Variants in FAM227A observed in about 807,000 individuals in gnomAD.
FAM227A encodes family with sequence similarity 227 member A.
Under a neutral mutation model 74.7 loss-of-function variants are expected in FAM227A, and 80 were observed. That is an observed-to-expected ratio of 1.07 (90% CI 0.89 to 1.29). FAM227A has a LOEUF of 1.29. Ranked by LOEUF, FAM227A falls within the 50% of genes most tolerant of loss-of-function variation. The pLI is 0.00. For synonymous variants in FAM227A, 237 were observed against 241.8 expected, an observed-to-expected ratio of 0.98 and a Z score of 0.19; for missense variants, 654 against 683.4, an observed-to-expected ratio of 0.96 and a Z score of 0.48.
intron 2 of FAM227A, among the ~76,000 whole-genome samples, chr22:38,646,034 C>T (rs1467686675): frequency 6.6e-6 from 1 of 152,120 alleles, no homozygotes; most frequent in Non-Finnish European, 1.5e-5. Context: ...ATCCACTCAC[C>T]TCAGCCTCCC....
intron 3 of FAM227A, among the ~76,000 whole-genome samples, chr22:38,643,708 C>T (rs1258313201): frequency 2.0e-5 from 3 of 152,194 alleles, no homozygotes; most frequent in Non-Finnish European, 4.4e-5. Flanking sequence ...TGGATGCTTA[C>T]AGCAGTTTTA....
chr22:38,591,435 C>T lies in FAM227A; in HGVS notation c.1638G>A (p.Lys546=), dbSNP rs187127986. The T allele has an allele frequency of 4.4e-5, 68 of 1,551,116 alleles. No homozygotes were observed. In the East Asian group the frequency reaches 1.0e-3, roughly 23 times the overall value. ...ACTCAATTTCTCTTTGGAGACTTCC[C>T]TTAGTTTTCTTGTCAGGTGATTCCT... The part of the protein sequence containing the change: ...VNEESPDKKT[K]EGKGGEGKRR... The change falls in exon 16 of 17, where the codon AAG becomes AAA. Residue 546 remains lysine, a splice_region_variant and synonymous_variant. Transcript: ENST00000535113.
intron 11 of FAM227A, among the ~76,000 whole-genome samples, chr22:38,619,645 C>T (rs1056664780): frequency 1.3e-5 from 2 of 151,890 alleles, no homozygotes; most frequent in Admixed American, 1.3e-4. Flanking sequence ...TTTTTAGGGT[C>T]GGGGGATAGG....
Position 38,590,118 on chromosome 22 carries a change from A to AAAACAAAAC in FAM227A, c.1638+1316_1638+1317insGTTTTGTTT. ...CAAAACAAAACAAAACAAAACAAAA[A>AAAACAAAAC]AACGAAAAAAATTAGCTGGGCATGG... is the stretch of plus-strand genomic sequence containing the variant. On this transcript the variant is annotated intron_variant, in intron 16 of 16. Coordinates refer to ENST00000535113, the MANE Select transcript of FAM227A (RefSeq NM_001013647.2). Among the ~76,000 whole-genome samples, 4 of 119,608 alleles carry AAAACAAAAC rather than the reference A, an allele frequency of 3.3e-5. No homozygotes were observed. The Middle Eastern group carries it at 0.016, about 467-fold the overall frequency. 78.5% of individuals were successfully genotyped at this position (119,608 alleles called of 152,430 possible). A position where few individuals can be genotyped will look rare whatever the true frequency, so the allele number is the denominator to read the frequency against.
At chr22:38,589,030 G>T (rs534383944) in intron 16 of FAM227A, among the ~76,000 whole-genome samples, 2 of 152,180 alleles carry the variant, frequency 1.3e-5, no homozygotes, top group South Asian at 4.2e-4. Context: ...CCCAGTACCC[G>T]TGAATAAGAC....
intron 11 of FAM227A, among the ~76,000 whole-genome samples, chr22:38,613,116 T>TATATAATTATATATATA (rs1555959758): frequency 1.2e-3 from 105 of 91,112 alleles, no homozygotes; most frequent in African/African-American, 4.5e-3. Context: ...TATATATATA[T>TATATAATTATATATATA]TATATATAAT....
intron 11 of FAM227A, among the ~76,000 whole-genome samples, chr22:38,619,373 C>A (rs755759854): frequency 6.6e-6 from 1 of 152,068 alleles, no homozygotes. Context: ...ACCCAGGCTG[C>A]AGTGCAGTGG....
In FAM227A at chr22:38,622,280, G is replaced by A. The variant is rs551865143; in HGVS notation, c.958+892C>T. On this transcript the variant is annotated intron_variant, in intron 10 of 16. Transcript: ENST00000535113. ...CAGAGAGCTGCAACAGTCAAGGTGA[G>A]CTGCTTTGTTCTACCACCAGCTCAT... 9.8e-5 allele frequency among the ~76,000 whole-genome samples: 15 copies of A among 152,350 alleles called. 1 individual carries two copies. The South Asian group carries it at 2.9e-3, about 29-fold the overall frequency.
intron 2 of FAM227A, among the ~76,000 whole-genome samples, chr22:38,646,244 A>ATTT (rs1569240881): frequency 2.2e-5 from 2 of 89,694 alleles, no homozygotes; most frequent in African/African-American, 9.0e-5. Flanking sequence ...TCCTTCCAGT[A>ATTT]TTTCTTTTTT....
Position 38,583,170 on chromosome 22 carries a change from A to AATT in FAM227A, c.*2954_*2955insAAT. 1 of 357,924 alleles carries AATT rather than the reference A, an allele frequency of 2.8e-6. No homozygotes were observed. The highest frequency in any genetic ancestry group is 4.8e-6 in the Non-Finnish European group (1 of 209,180). The allele number at this position is 357,924 out of a possible 1,614,324, so 22.2% of individuals were successfully genotyped here. On this transcript the variant is annotated 3_prime_UTR_variant, in exon 17 of 17. Transcript: ENST00000535113. The stretch of plus-strand genomic sequence containing the variant: ...ACACGTTCTGGTTTCAGAAGACTAT[A>AATT]CTTTTTTTTTTTTTTTTTTGAGATG...
At chr22:38,638,173 A>G (rs1192118150) in intron 5 of FAM227A, among the ~76,000 whole-genome samples, 2 of 152,194 alleles carry the variant, frequency 1.3e-5, no homozygotes, top group African/African-American at 4.8e-5. Context: ...TCAAAAAGAA[A>G]AAAAGAAATA....
rs1316801808 is a variant in FAM227A, at chr22:38,585,566, C to CA, written c.*558dup. 1 of 152,744 alleles carries CA rather than the reference C, an allele frequency of 6.5e-6. No homozygotes were observed. The highest frequency in any genetic ancestry group is 2.4e-5 in the African/African-American group (1 of 41,450). 9.5% of individuals were successfully genotyped at this position (152,744 alleles called of 1,614,324 possible). On this transcript the variant is annotated 3_prime_UTR_variant, in exon 17 of 17. Transcript: ENST00000535113. ...ATTAATAGTTCCACAAAGCTTGTTA[C>CA]AAAAAATTGCACTCCTCTAGGCCCA... is the stretch of plus-strand genomic sequence containing the variant.
intron 1 of FAM227A, among the ~76,000 whole-genome samples, chr22:38,653,386 T>TC (rs2092348774): frequency 6.6e-6 from 1 of 151,834 alleles, no homozygotes; most frequent in Non-Finnish European, 1.5e-5. Context: ...GCTTTTTTTT[T>TC]TTTTTTTGAG....
intron 2 of FAM227A, 136 bp downstream of exon 2, chr22:38,649,891 A>G (rs1308516390): frequency 2.4e-6 from 2 of 821,062 alleles, no homozygotes. Flanking sequence ...AAAGAAAAGA[A>G]AAGAAAAAAT....
chr22:38,602,275 AG>A (rs1302723256), intron 13 of FAM227A, among the ~76,000 whole-genome samples: 5 of 152,184 alleles, frequency 3.3e-5, no homozygotes, highest in Non-Finnish European at 7.3e-5. Flanking sequence ...GATGCTGAGG[AG>A]CATCCCTGGC....
At chr22:38,622,464 T>C (rs1391742594) in intron 10 of FAM227A, among the ~76,000 whole-genome samples, 1 of 152,230 alleles carries the variant, frequency 6.6e-6, no homozygotes, top group African/African-American at 2.4e-5. Context: ...GAACTCATTA[T>C]GGGTCTGCTG....
chr22:38,645,308 T>C (rs908073140), intron 3 of FAM227A, among the ~76,000 whole-genome samples: 8 of 152,002 alleles, frequency 5.3e-5, no homozygotes, highest in Admixed American at 5.3e-4. Context: ...GGAGAATCGC[T>C]TGAACCCAAG....
intron 6 of FAM227A, 52 bp from the exon 7 acceptor site, chr22:38,628,987 C>T: frequency 1.8e-6 from 2 of 1,093,596 alleles, no homozygotes; most frequent in South Asian, 1.5e-5. Flanking sequence ...TTTTAAAAAT[C>T]CATCTGGAGT....
intron 15 of FAM227A, among the ~76,000 whole-genome samples, chr22:38,594,676 A>T (rs1329238767): frequency 1.3e-5 from 2 of 152,118 alleles, no homozygotes; most frequent in Non-Finnish European, 2.9e-5. Context: ...AAATAACTCA[A>T]TTGTGGCCGG....
Sources: gnomAD v4.1 joint callset for allele counts (sites outside exome capture counted in the v4.1 genomes callset) on GRCh38, gnomAD v4.1.1 for gene constraint, MANE v1.5 for transcripts, NCBI Gene and HGNC (gene_info 2026-07-23, HGNC 2026-07-21) for gene names.